SDK1: variants seen among roughly 807,000 people sequenced by gnomAD.
The protein encoded by SDK1 is protein sidekick-1.
In SDK1, 157 loss-of-function variants were observed where a neutral mutation model predicts 245.5. That is an observed-to-expected ratio of 0.64 (90% CI 0.56 to 0.73). SDK1 has a LOEUF of 0.73. Ranked by LOEUF, SDK1 falls within the 30% of genes least tolerant of loss-of-function variation. SDK1 has a pLI of 0.00. For synonymous variants in SDK1, 1,647 were observed against 1,278.5 expected, an observed-to-expected ratio of 1.29 and a Z score of -6.15; for missense variants, 3,583 against 3,002.3, an observed-to-expected ratio of 1.19 and a Z score of -4.52.
chr7:3,542,714 C>T (rs959009592), intron 1 of SDK1, among the ~76,000 whole-genome samples: 5 of 152,170 alleles, frequency 3.3e-5, no homozygotes, highest in Admixed American at 6.5e-5. Flanking sequence ...TTAAACCTCT[C>T]TTAGAAACTG....
chr7:3,328,014 G>A (rs143749235), intron 1 of SDK1, among the ~76,000 whole-genome samples: 1 of 152,200 alleles, frequency 6.6e-6, no homozygotes, highest in East Asian at 1.9e-4. Context: ...TCTGGAGGCT[G>A]TGAAAATTAG....
intron 13 of SDK1, among the ~76,000 whole-genome samples, chr7:3,980,867 G>C (rs1783346673): frequency 6.6e-6 from 1 of 152,018 alleles, no homozygotes; most frequent in East Asian, 1.9e-4. Flanking sequence ...CTCGAACTCA[G>C]GAGGCGGAGG....
At chr7:3,430,066 C>T (rs764235276) in intron 1 of SDK1, among the ~76,000 whole-genome samples, 3 of 152,226 alleles carry the variant, frequency 2.0e-5, no homozygotes, top group Non-Finnish European at 2.9e-5. Flanking sequence ...AACTCTGCCT[C>T]TCACCTTGAG....
intron 5 of SDK1, among the ~76,000 whole-genome samples, chr7:3,910,846 A>G (rs1033721532): frequency 5.9e-5 from 9 of 152,306 alleles, no homozygotes; most frequent in Non-Finnish European, 1.2e-4. Context: ...TTAAATCCCC[A>G]GTTAGTCCGG....
chr7:4,048,635 G>A (rs1789204722), intron 17 of SDK1, among the ~76,000 whole-genome samples: 1 of 152,100 alleles, frequency 6.6e-6, no homozygotes, highest in Non-Finnish European at 1.5e-5. Flanking sequence ...CAGTCCAGAT[G>A]AGGCCCTCCA....
In SDK1 at chr7:4,139,523, G is replaced by GTGTGTGTGTGTATA. The variant is rs1562871662; in HGVS notation, c.4229-6198_4229-6197insGTGTGTGTGTATAT. Among the ~76,000 whole-genome samples, 9 of 10,198 alleles carry GTGTGTGTGTGTATA rather than the reference G, an allele frequency of 8.8e-4. 2 individuals are homozygous for GTGTGTGTGTGTATA. The highest frequency in any genetic ancestry group is 8.5e-3 in the South Asian group (2 of 234). The allele number at this position is 10,198 out of a possible 152,430, so 6.7% of individuals were successfully genotyped here. ...TGTGTGTATATGTATATATGTGTGT[G>GTGTGTGTGTGTATA]TATGTGTGTGTGTATATATGTGTGT... On this transcript the variant is annotated intron_variant, in intron 28 of 44. Transcript: ENST00000404826.
intron 4 of SDK1, among the ~76,000 whole-genome samples, chr7:3,676,840 T>C (rs1162114406): frequency 6.6e-6 from 1 of 152,228 alleles, no homozygotes; most frequent in Non-Finnish European, 1.5e-5. Context: ...TGTGGCTTTA[T>C]TTCTGGGTTC....
intron 5 of SDK1, among the ~76,000 whole-genome samples, chr7:3,836,595 A>G (rs1234567013): frequency 6.6e-6 from 1 of 152,256 alleles, no homozygotes; most frequent in Non-Finnish European, 1.5e-5. Context: ...TAGAAGCAAC[A>G]GGCTAAGATT....
chr7:3,543,373 T>C (rs1562551882), intron 1 of SDK1, among the ~76,000 whole-genome samples: 1 of 152,272 alleles, frequency 6.6e-6, no homozygotes, highest in Non-Finnish European at 1.5e-5. Context: ...AAGCCACAGA[T>C]GGCTAGACTC....
chr7:3,892,605 C>A (rs1008612626), intron 5 of SDK1, among the ~76,000 whole-genome samples: 12 of 152,182 alleles, frequency 7.9e-5, no homozygotes, highest in African/African-American at 2.4e-4. Context: ...CTCTCACAGG[C>A]ATAGATTCCA....
chr7:3,846,401 T>G (rs1208396827), intron 5 of SDK1, among the ~76,000 whole-genome samples: 3 of 152,182 alleles, frequency 2.0e-5, no homozygotes, highest in Non-Finnish European at 4.4e-5. Context: ...GGACATTTGT[T>G]TAAGGAATTT....
chr7:3,439,185 G>C (rs776600253), intron 1 of SDK1, among the ~76,000 whole-genome samples: 1 of 152,082 alleles, frequency 6.6e-6, no homozygotes, highest in African/African-American at 2.4e-5. Flanking sequence ...CATCTCAAAT[G>C]TGCAGTTCAT....
intron 5 of SDK1, among the ~76,000 whole-genome samples, chr7:3,844,134 C>T (rs1322187184): frequency 6.6e-6 from 1 of 152,114 alleles, no homozygotes; most frequent in Non-Finnish European, 1.5e-5. Context: ...CCATGCCCAG[C>T]TGATTTTTGT....
intron 5 of SDK1, among the ~76,000 whole-genome samples, chr7:3,854,105 G>T (rs913936990): frequency 1.1e-4 from 16 of 152,044 alleles, no homozygotes; most frequent in African/African-American, 3.9e-4. Flanking sequence ...TGGAATAGGG[G>T]TTATAACTTC....
chr7:4,030,431 G>A (rs1377715773), intron 17 of SDK1, among the ~76,000 whole-genome samples: 1 of 152,210 alleles, frequency 6.6e-6, no homozygotes, highest in Non-Finnish European at 1.5e-5. Context: ...GACGTAAGGA[G>A]CAGGAAGGTT....
chr7:4,211,671 A>G (rs1294756032), intron 38 of SDK1, among the ~76,000 whole-genome samples: 18 of 152,168 alleles, frequency 1.2e-4, no homozygotes, highest in Non-Finnish European at 8.8e-5. Flanking sequence ...GTGCAGTGGC[A>G]CGATTTCTGC....
chr7:4,103,930 A>G (rs1366779114), intron 22 of SDK1, among the ~76,000 whole-genome samples: 1 of 152,268 alleles, frequency 6.6e-6, no homozygotes, highest in African/African-American at 2.4e-5. Flanking sequence ...CGGCTGCAAA[A>G]GCATGAAAGT....
intron 4 of SDK1, among the ~76,000 whole-genome samples, chr7:3,778,627 C>T (rs941125095): frequency 5.3e-5 from 8 of 152,290 alleles, no homozygotes; most frequent in Admixed American, 5.2e-4. Flanking sequence ...TTCACGTATG[C>T]TTATAGTAGG....
At chr7:3,790,023 C>T (rs569946417) in intron 4 of SDK1, among the ~76,000 whole-genome samples, 107 of 152,202 alleles carry the variant, frequency 7.0e-4, no homozygotes, top group African/African-American at 2.0e-3. Flanking sequence ...TCCCCCTTCC[C>T]GAGGACCAAA....
Sources: gnomAD v4.1 joint callset for allele counts (sites outside exome capture counted in the v4.1 genomes callset) on GRCh38, gnomAD v4.1.1 for gene constraint, MANE v1.5 for transcripts, NCBI Gene and HGNC (gene_info 2026-07-23, HGNC 2026-07-21) for gene names.